Variants in ZFP57 observed in about 807,000 individuals in gnomAD.
The protein encoded by ZFP57 is zinc finger protein 57 homolog.
ZFP57 carries 12 observed loss-of-function variants against 15.8 expected under a neutral mutation model. That is an observed-to-expected ratio of 0.76 (90% CI 0.49 to 1.23). The LOEUF is 1.23. Ranked by LOEUF, ZFP57 falls within the 50% of genes most tolerant of loss-of-function variation. The probability of loss-of-function intolerance (pLI) is 0.00; values close to 1 mark genes in which losing one functional copy is unlikely to be tolerated. For missense variants in ZFP57, 536 were observed against 654.9 expected (o/e 0.82, Z 1.98); for synonymous variants, 203 against 242.3 (o/e 0.84, Z 1.51).
intron 1 of ZFP57, 100 bp downstream of exon 1, chr6:29,680,962 A>C (rs1042209878): frequency 2.0e-5 from 3 of 152,276 alleles, no homozygotes; most frequent in Non-Finnish European, 4.4e-5. Flanking sequence ...TTAGGGGCGC[A>C]GTGCTCCCCT....
chr6:29,678,488 A>C (rs557645152), intron 1 of ZFP57, among the ~76,000 whole-genome samples: 37 of 152,360 alleles, frequency 2.4e-4, no homozygotes, highest in Non-Finnish European at 4.7e-4. Context: ...CTGGAAATTC[A>C]GATATGCAAA....
rs1772111771 is a variant in ZFP57, at chr6:29,677,023, C to T, written c.-20G>A. 6.2e-7 allele frequency: 1 copy of T among 1,614,088 alleles called. No homozygotes were observed. The highest frequency in any genetic ancestry group is 1.3e-5 in the African/African-American group (1 of 75,056). ...AAACATCTTCTCTTCTGTGGTGTCT[C>T]TTTCTAGCTTTATCCACTCCTGGCC... On this transcript the variant is annotated 5_prime_UTR_variant, in exon 2 of 5. Transcript: ENST00000376883.
At position 29,673,934 on chromosome 6, in the gene ZFP57, A is replaced by T. The variant is rs900364416; in HGVS notation, c.353-176T>A. Reference sequence around the variant, plus strand: ...CATGGTGAAACCCTGTCTCTACTACAAATACAAAAATTAGCTGGGCGTCAT... The same window carrying T: ...CATGGTGAAACCCTGTCTCTACTACTAATACAAAAATTAGCTGGGCGTCAT... On this transcript the variant is annotated intron_variant, in intron 4 of 4. Transcript: ENST00000376883. The surrounding 1 kb of genome is among the most constrained non-coding windows in gnomAD (Gnocchi z 4.7). Among the ~76,000 whole-genome samples the T allele has an allele frequency of 6.6e-6, 1 of 152,090 alleles. No homozygotes were observed. Among genetic ancestry groups the T allele is most frequent in the African/African-American group, 2.4e-5 (1 of 41,408 alleles).
At position 29,676,461 on chromosome 6, in the gene ZFP57, G is replaced by C. The variant is rs389743; in HGVS notation, c.124-402C>G. ...TGAGGCAGGAGAATTGCTTGAGCCC[G>C]GGAGGCAGAGGTAGCAGTGAGCCAA... is the stretch of plus-strand genomic sequence containing the variant. On this transcript the variant is annotated intron_variant, in intron 2 of 4. Transcript: ENST00000376883. Among the ~76,000 whole-genome samples, 1,330 of 151,150 alleles carry C rather than the reference G, an allele frequency of 8.8e-3. 24 individuals are homozygous for C. Among genetic ancestry groups the C allele is most frequent in the African/African-American group, 0.03 (1,252 of 41,232 alleles).
intron 1 of ZFP57, among the ~76,000 whole-genome samples, chr6:29,680,385 G>T (rs889583973): frequency 6.6e-6 from 1 of 152,072 alleles, no homozygotes; most frequent in Non-Finnish European, 1.5e-5. Context: ...CCCTCACACC[G>T]CAAACAGTTG....
chr6:29,676,150 A>T, intron 2 of ZFP57, 91 bp from the exon 3 acceptor site: 7 of 1,206,926 alleles, frequency 5.8e-6, no homozygotes, highest in Non-Finnish European at 8.0e-6. Context: ...CAGTCTCAAG[A>T]TTCAGAGAAT....
At chr6:29,677,768 T>TACATACACACACACACACACACACAC (rs71550149) in intron 1 of ZFP57, among the ~76,000 whole-genome samples, 2 of 149,516 alleles carry the variant, frequency 1.3e-5, no homozygotes, top group East Asian at 2.0e-4. Flanking sequence ...ACCAAAATTA[T>TACATACACACACACACACACACACAC]ACACACACAC....
chr6:29,673,224 C>A lies in ZFP57; in HGVS notation c.887G>T (p.Arg296Met). 6.2e-7 allele frequency: 1 copy of A among 1,613,030 alleles called. No individual in the cohort carries two copies. Among genetic ancestry groups the A allele is most frequent in the East Asian group, 2.2e-5 (1 of 44,880 alleles). The change falls in exon 5 of 5, where the codon AGG becomes ATG. Residue 296 changes from arginine to methionine, a missense_variant. By Grantham distance (91) the Arg-to-Met change is moderately conservative. Coordinates refer to ENST00000376883, the MANE Select transcript of ZFP57 (RefSeq NM_001109809.5). This position sits in a 1 kb window ranked among gnomAD's most constrained non-coding sequence, Gnocchi z 4.7. ...GAATTCAGCCTGGGTGCCTGGAATC[C>A]TCAAAGTACACTCCTGGTTTCCATC... is the stretch of plus-strand genomic sequence containing the variant. ...PVDGNQECTL[R>M]IPGTQAEFQT...
At chr6:29,675,794 AC>A in intron 3 of ZFP57, 138 bp downstream of exon 3, 2 of 1,053,632 alleles carry the variant, frequency 1.9e-6, no homozygotes, top group Non-Finnish European at 2.9e-6. Flanking sequence ...GAGCTTAGTG[AC>A]TCAGATCTTT....
In ZFP57 at chr6:29,672,771, A is replaced by G. The variant is rs1274151032; in HGVS notation, c.1340T>C (p.Leu447Pro). 1 of 1,612,942 alleles carries G rather than the reference A, an allele frequency of 6.2e-7. No individual in the cohort carries two copies. Residue 447 changes from leucine (L) to proline (P), a missense_variant, in exon 5 of 5, where the codon CTC (leucine) becomes CCC (proline). By Grantham distance (98) the Leu-to-Pro change is moderately conservative. Transcript: ENST00000376883. ...QKSYLCPICD[L>P]SFGEKEGLMD... is the part of the protein sequence containing the mutation. Reference sequence around the variant, plus strand: ...AAGGCCCTCTTTCTCCCCAAAGGAGAGGTCACAGATAGGGCAAAGGTAGCT... The same window carrying G: ...AAGGCCCTCTTTCTCCCCAAAGGAGGGGTCACAGATAGGGCAAAGGTAGCT...
At chr6:29,679,865 T>C (rs448489) in intron 1 of ZFP57, among the ~76,000 whole-genome samples, 33,562 of 150,916 alleles carry the variant, frequency 0.22, 3,855 homozygotes, top group East Asian at 0.33. Context: ...GCCAGGGAAA[T>C]GAGAGTGAAA....
intron 1 of ZFP57, among the ~76,000 whole-genome samples, chr6:29,678,108 G>A (rs4085264): frequency 0.05 from 7,593 of 152,290 alleles, 329 homozygotes; most frequent in East Asian, 0.17. Context: ...GGAGGCTGAG[G>A]CAGGAGAATC....
Position 29,672,897 on chromosome 6 carries a change from GC to G in ZFP57, c.1213del (p.Ala405ProfsTer73). 1 of 1,613,078 alleles carries G rather than the reference GC, an allele frequency of 6.2e-7. No homozygotes were observed. The highest frequency in any genetic ancestry group is 8.5e-7 in the Non-Finnish European group (1 of 1,180,028). On this transcript the variant is annotated frameshift_variant, in exon 5 of 5. Coordinates refer to ENST00000376883, the MANE Select transcript of ZFP57 (RefSeq NM_001109809.5). LOFTEE classifies it low-confidence loss of function (END_TRUNC). Reference sequence around the variant, plus strand: ...GTAGTTGGGCGGCTCTGTGAGGTGGGCCTTCTGGTGTCTGGAGAGATAGGAT... The same window carrying G: ...GTAGTTGGGCGGCTCTGTGAGGTGGGCTTCTGGTGTCTGGAGAGATAGGAT... ...KKSYLSRHQK[A>X]HLTEPPNYCF...
Position 29,672,606 on chromosome 6 carries a change from T to G in ZFP57, c.1505A>C (p.Asp502Ala). The change falls in exon 5 of 5, where the codon GAT becomes GCT. Residue 502 changes from aspartate to alanine, a missense_variant. Asp to Ala is a moderately radical substitution (Grantham distance 126, BLOSUM62 -2). Transcript: ENST00000376883. The stretch of plus-strand genomic sequence containing the variant: ...GGTATGGATCCTGGGGGGAGATTGA[T>G]CACCTCCATGCTTCCATTCCTCCCC... Reference protein sequence around the residue: ...MAGEEWKHGGDQSPPRIHTPR... With the variant: ...MAGEEWKHGGAQSPPRIHTPR... 1 of 1,612,100 alleles carries G rather than the reference T, an allele frequency of 6.2e-7. No homozygotes were observed. Among genetic ancestry groups the G allele is most frequent in the Non-Finnish European group, 8.5e-7 (1 of 1,179,286 alleles).
In ZFP57 at chr6:29,673,167, A is replaced by G; in HGVS notation, c.944T>C (p.Ile315Thr). ...ATGGTTCACATCCAAAAGCCCCTGG[A>G]TGGACCTCTGGCTTCTGGCGATGGG... ...QTPIARSQRSIQGLLDVNHAP... is the reference protein window; with the variant it reads ...QTPIARSQRSTQGLLDVNHAP... The change falls in exon 5 of 5, where the codon ATC (isoleucine) becomes ACC (threonine). Residue 315 changes from isoleucine (I) to threonine (T), a missense_variant. Coordinates refer to ENST00000376883, the MANE Select transcript of ZFP57 (RefSeq NM_001109809.5). This position sits in a 1 kb window ranked among gnomAD's most constrained non-coding sequence, Gnocchi z 4.7. 5 of 1,612,948 alleles carry G rather than the reference A, an allele frequency of 3.1e-6. No homozygotes were observed. In the East Asian group the frequency reaches 1.1e-4, roughly 36 times the overall value.
chr6:29,677,390 A>T (rs552950660), intron 1 of ZFP57, 24 bp from the exon 2 acceptor site: 6 of 300,130 alleles, frequency 2.0e-5, no homozygotes, highest in South Asian at 7.4e-5. Context: ...AAAACAAAAC[A>T]TATCAGCAAG....
Position 29,672,888 on chromosome 6 carries a change from G to C in ZFP57, c.1223C>G (p.Thr408Arg), listed in dbSNP as rs1420157851. 9.9e-6 allele frequency: 16 copies of C among 1,613,114 alleles called. No homozygotes were observed. The highest frequency in any genetic ancestry group is 1.4e-5 in the Non-Finnish European group (16 of 1,180,044). The change falls in exon 5 of 5, where the codon ACA (threonine) becomes AGA (arginine). Residue 408 changes from threonine to arginine, a missense_variant. By Grantham distance (71) the Thr-to-Arg change is moderately conservative. Coordinates refer to ENST00000376883, the MANE Select transcript of ZFP57 (RefSeq NM_001109809.5). ...YLSRHQKAHL[T>R]EPPNYCFHCS... ...ATGGAAGCAGTAGTTGGGCGGCTCT[G>C]TGAGGTGGGCCTTCTGGTGTCTGGA...
intron 1 of ZFP57, among the ~76,000 whole-genome samples, chr6:29,679,497 C>A (rs1386629258): frequency 6.6e-6 from 1 of 152,204 alleles, no homozygotes; most frequent in African/African-American, 2.4e-5. Flanking sequence ...TCCTCTCTCT[C>A]CCTTTCCTTT....
chr6:29,673,359 C>T lies in ZFP57; in HGVS notation c.752G>A (p.Arg251His), dbSNP rs774050037. Residue 251 changes from arginine (R) to histidine (H), a missense_variant, in exon 5 of 5, where the codon CGC (arginine) becomes CAC (histidine). Arg to His is a conservative substitution (Grantham distance 29, BLOSUM62 0). Coordinates refer to ENST00000376883, the MANE Select transcript of ZFP57 (RefSeq NM_001109809.5). This position sits in a 1 kb window ranked among gnomAD's most constrained non-coding sequence, Gnocchi z 4.7. ...ATGGGGCCGGTAACCCAGATGGACG[C>T]GGCGGTGACGACTTAGTCCAGAAGC... ...CDASGLSRHR[R>H]VHLGYRPHSC... 85 of 1,612,898 alleles carry T rather than the reference C, an allele frequency of 5.3e-5. No homozygotes were observed. The highest frequency in any genetic ancestry group is 6.6e-5 in the Non-Finnish European group (78 of 1,180,038).
Sources: gnomAD v4.1 joint callset for allele counts (sites outside exome capture counted in the v4.1 genomes callset) on GRCh38, gnomAD v4.1.1 for gene constraint, Gnocchi (gnomAD v3.1) non-coding constraint, MANE v1.5 for transcripts, NCBI Gene and HGNC (gene_info 2026-07-23, HGNC 2026-07-21) for gene names.